NELFE: variants seen among roughly 807,000 people sequenced by gnomAD.
NELFE encodes the protein negative elongation factor E.
In NELFE, 26 loss-of-function variants were observed where a neutral mutation model predicts 55.5. The observed-to-expected ratio is 0.47, with a 90% CI of 0.34 to 0.65. The LOEUF (loss-of-function observed/expected upper bound fraction) is 0.65, where lower values mean the gene tolerates loss of function less well. Ranked by LOEUF, NELFE falls within the 30% of genes least tolerant of loss-of-function variation. The probability of loss-of-function intolerance (pLI) is 0.01; values close to 1 mark genes in which losing one functional copy is unlikely to be tolerated. For synonymous variants in NELFE, 162 were observed against 178.0 expected (o/e 0.91, Z 0.72); for missense variants, 403 against 506.9 (o/e 0.80, Z 1.97).
Position 31,952,249 on chromosome 6 carries a change from T to A in NELFE, c.*52A>T, listed in dbSNP as rs1771818883. 4.0e-6 allele frequency: 6 copies of A among 1,493,678 alleles called. No individual in the cohort carries two copies. Among genetic ancestry groups the A allele is most frequent in the Non-Finnish European group, 5.6e-6 (6 of 1,076,158 alleles). 92.5% of individuals were successfully genotyped at this position (1,493,678 alleles called of 1,614,324 possible). A position where few individuals can be genotyped will look rare whatever the true frequency, so the allele number is the denominator to read the frequency against. On this transcript the variant is annotated 3_prime_UTR_variant, in exon 11 of 11. Coordinates refer to ENST00000375429, the MANE Select transcript of NELFE (RefSeq NM_002904.6). ...TGTGTAAGCTTCCACCTCAGTGTTT[T>A]ACTGAGACCAGCATTGGGGCATATG...
intron 5 of NELFE, 47 bp downstream of exon 5, chr6:31,955,172 A>ATTC (rs1377284392): frequency 6.2e-7 from 1 of 1,611,998 alleles, no homozygotes; most frequent in Non-Finnish European, 8.5e-7. Flanking sequence ...TGTCTCTCAT[A>ATTC]TTCCTCCATC....
Position 31,954,413 on chromosome 6 carries a change from G to T in NELFE, c.772C>A (p.Pro258Thr). 1 of 1,608,044 alleles carries T rather than the reference G, an allele frequency of 6.2e-7. No individual in the cohort carries two copies. Among genetic ancestry groups the T allele is most frequent in the African/African-American group, 1.3e-5 (1 of 74,712 alleles). ...ACATAGAGAGTATTCCCTTTCCTAGGGGCTCGCCGTTCAGGGAATGAATCC... is the reference window on the plus strand; with the variant it reads ...ACATAGAGAGTATTCCCTTTCCTAGTGGCTCGCCGTTCAGGGAATGAATCC... ...RSDSFPERRA[P>T]RKGNTLYVYG... is the part of the protein sequence containing the mutation. The change falls in exon 8 of 11, where the codon CCT (proline) becomes ACT (threonine). Residue 258 changes from proline (P) to threonine (T), a missense_variant. By Grantham distance (38) the Pro-to-Thr change is conservative. Transcript: ENST00000375429. The surrounding 1 kb of genome is among the most constrained non-coding windows in gnomAD (Gnocchi z 5.5).
rs555434140 is a variant in NELFE, at chr6:31,954,578, C to A, written c.719G>T (p.Arg240Leu). Residue 240 changes from arginine to leucine, a missense_variant, in exon 7 of 11, where the codon CGA (arginine) becomes CTA (leucine). Physicochemically the swap from Arg to Leu is moderately radical, Grantham distance 102 (BLOSUM62 -2). Coordinates refer to ENST00000375429, the MANE Select transcript of NELFE (RefSeq NM_002904.6). The surrounding 1 kb of genome is among the most constrained non-coding windows in gnomAD (Gnocchi z 5.5). ...ACTGCGGAAAGGACCCTCTCGGTCT[C>A]GGTCTCGATCCCGCTCCCGATCCCT... ...RDRDRERDRD[R>L]DREGPFRRSD... The A allele has an allele frequency of 6.2e-7, 1 of 1,608,314 alleles. No individual in the cohort carries two copies.
In NELFE at chr6:31,954,622, A is replaced by G. The variant is rs536641651; in HGVS notation, c.675T>C (p.Asp225=). Residue 225 remains aspartate, a synonymous_variant, in exon 7 of 11, where the codon GAT becomes GAC. Transcript: ENST00000375429. The surrounding 1 kb of genome is among the most constrained non-coding windows in gnomAD (Gnocchi z 5.5). ...ERDRDRDRDR[D]RDRERDRDRE... ...GATCCCTGTCCCGTTCCCGGTCTCG[A>G]TCTCGATCCCGATCCCGATCCCTGT... The G allele has an allele frequency of 7.5e-6, 12 of 1,599,000 alleles. No individual in the cohort carries two copies. The highest frequency in any genetic ancestry group is 1.0e-5 in the Non-Finnish European group (12 of 1,173,656).
At position 31,954,284 on chromosome 6, in the gene NELFE, G is replaced by A. The variant is rs1444315314; in HGVS notation, c.887+14C>T. The A allele has an allele frequency of 6.2e-7, 1 of 1,608,992 alleles. No individual in the cohort carries two copies. Among genetic ancestry groups the A allele is most frequent in the African/African-American group, 1.3e-5 (1 of 74,690 alleles). ...CTCCCAGGACTTCTCATCATGCCCT[G>A]TTGTCATCCTTACTTTCTGGGTGGG... On this transcript the variant is annotated intron_variant, in intron 8 of 10. Transcript: ENST00000375429. The surrounding 1 kb of genome is among the most constrained non-coding windows in gnomAD (Gnocchi z 5.5).
In NELFE at chr6:31,952,370, G is replaced by A. The variant is rs770618951; in HGVS notation, c.1074C>T (p.His358=). 7 of 1,614,126 alleles carry A rather than the reference G, an allele frequency of 4.3e-6. No homozygotes were observed. Among genetic ancestry groups the A allele is most frequent in the Non-Finnish European group, 5.9e-6 (7 of 1,179,974 alleles). Residue 358 remains histidine (H), a synonymous_variant, in exon 11 of 11, where the codon CAC becomes CAT. Transcript: ENST00000375429. Reference sequence around the variant, plus strand: ...AGACAATCTGGGTCCTCTTGTCCCGGTGGCAACCCTTAGGGCTGTTCTGGA... The same window carrying A: ...AGACAATCTGGGTCCTCTTGTCCCGATGGCAACCCTTAGGGCTGTTCTGGA... ...LAVQNSPKGC[H]RDKRTQIVYS...
Position 31,958,917 on chromosome 6 carries a change from C to T in NELFE, c.-34G>A, listed in dbSNP as rs918934356. On this transcript the variant is annotated 5_prime_UTR_variant, in exon 1 of 11. Coordinates refer to ENST00000375429, the MANE Select transcript of NELFE (RefSeq NM_002904.6). ...CCGAGGGGGCGGCAACCGGGGGCCC[C>T]ACGGTCTCCGGCCGCGCCCGCGCTG... 3 of 594,872 alleles carry T rather than the reference C, an allele frequency of 5.0e-6. No homozygotes were observed. Among genetic ancestry groups the T allele is most frequent in the East Asian group, 5.6e-5 (2 of 35,552 alleles). 36.8% of individuals were successfully genotyped at this position (594,872 alleles called of 1,614,324 possible).
chr6:31,957,880 G>T (rs935229259), intron 2 of NELFE, among the ~76,000 whole-genome samples: 8 of 152,192 alleles, frequency 5.3e-5, no homozygotes, highest in Non-Finnish European at 8.8e-5. Flanking sequence ...ATAAAGCCCT[G>T]CTCGGGGGAA....
Position 31,952,360 on chromosome 6 carries a change from T to C in NELFE, c.1084A>G (p.Arg362Gly). 3 of 1,614,114 alleles carry C rather than the reference T, an allele frequency of 1.9e-6. No individual in the cohort carries two copies. The highest frequency in any genetic ancestry group is 2.5e-6 in the Non-Finnish European group (3 of 1,179,998). Residue 362 changes from arginine to glycine, a missense_variant, in exon 11 of 11, where the codon AGG (arginine) becomes GGG (glycine). Physicochemically the swap from Arg to Gly is moderately radical, Grantham distance 125. Coordinates refer to ENST00000375429, the MANE Select transcript of NELFE (RefSeq NM_002904.6). Reference protein sequence around the residue: ...NSPKGCHRDKRTQIVYSDDVY... With the variant: ...NSPKGCHRDKGTQIVYSDDVY... ...TCATCACTGTAGACAATCTGGGTCC[T>C]CTTGTCCCGGTGGCAACCCTTAGGG... is the stretch of plus-strand genomic sequence containing the variant.
rs1771827339 is a variant in NELFE, at chr6:31,952,374, C to T, written c.1070G>A (p.Cys357Tyr). 3.1e-6 allele frequency: 5 copies of T among 1,613,940 alleles called. No homozygotes were observed. The highest frequency in any genetic ancestry group is 4.2e-6 in the Non-Finnish European group (5 of 1,179,934). ...AATCTGGGTCCTCTTGTCCCGGTGG[C>T]AACCCTTAGGGCTGTTCTGGACAGC... is the stretch of plus-strand genomic sequence containing the variant. Reference protein sequence around the residue: ...SLAVQNSPKGCHRDKRTQIVY... With the variant: ...SLAVQNSPKGYHRDKRTQIVY... The change falls in exon 11 of 11, where the codon TGC (cysteine) becomes TAC (tyrosine). Residue 357 changes from cysteine to tyrosine, a missense_variant. Around this residue, in one of 3 missense-constraint regions of NELFE, gnomAD observed 77 missense variants for 123.3 expected, o/e 0.62. Transcript: ENST00000375429.
In NELFE at chr6:31,954,985, T is replaced by C; in HGVS notation, c.404+74A>G. On this transcript the variant is annotated intron_variant, in intron 6 of 10. Coordinates refer to ENST00000375429, the MANE Select transcript of NELFE (RefSeq NM_002904.6). This position sits in a 1 kb window ranked among gnomAD's most constrained non-coding sequence, Gnocchi z 5.5. ...AATATTCCCTCTATAGCCCAGCTCC[T>C]ACAGCCCAAACCTCCCAAGGACTCA... 1 of 1,613,450 alleles carries C rather than the reference T, an allele frequency of 6.2e-7. No individual in the cohort carries two copies. Among genetic ancestry groups the C allele is most frequent in the East Asian group, 2.2e-5 (1 of 44,884 alleles).
Position 31,958,435 on chromosome 6 carries a change from T to A in NELFE, c.12A>T (p.Ile4=). The change falls in exon 2 of 11, where the codon ATA becomes ATT. Residue 4 remains isoleucine (I), a synonymous_variant. Transcript: ENST00000375429. ...CCTCTTCCTCGCTCAGTCCGGGGGG[T>A]ATCACCAACATGGTGGCTCCTAGTT... MLV[I]PPGLSEEEEA... 1 of 1,612,932 alleles carries A rather than the reference T, an allele frequency of 6.2e-7. No homozygotes were observed. Among genetic ancestry groups the A allele is most frequent in the Non-Finnish European group, 8.5e-7 (1 of 1,179,986 alleles).
chr6:31,953,987 G>C, intron 9 of NELFE, 93 bp downstream of exon 9: 2 of 1,453,438 alleles, frequency 1.4e-6, no homozygotes, highest in Non-Finnish European at 1.9e-6. Flanking sequence ...TCTTTATCAA[G>C]AGGAACCAAC....
chr6:31,952,193 C>T lies in NELFE; in HGVS notation c.*108G>A. ...GTTTTTAAAGGTTTAACCCCAATCC[C>T]AAGTGCTGAAAAACCAGAGGCTGAG... is the stretch of plus-strand genomic sequence containing the variant. On this transcript the variant is annotated 3_prime_UTR_variant, in exon 11 of 11. Coordinates refer to ENST00000375429, the MANE Select transcript of NELFE (RefSeq NM_002904.6). The T allele has an allele frequency of 7.1e-7, 1 of 1,418,188 alleles. No individual in the cohort carries two copies. The allele number at this position is 1,418,188 out of a possible 1,614,324, so 87.9% of individuals were successfully genotyped here.
At chr6:31,957,474 A>T (rs570440376) in intron 2 of NELFE, 1 of 459,222 alleles carries the variant, frequency 2.2e-6, no homozygotes, top group Non-Finnish European at 4.4e-6. Context: ...ATACAATTAT[A>T]AGAGGTGCAG....
At position 31,954,123 on chromosome 6, in the gene NELFE, A is replaced by T; in HGVS notation, c.899T>A (p.Val300Asp). 6.2e-7 allele frequency: 1 copy of T among 1,614,026 alleles called. No individual in the cohort carries two copies. The highest frequency in any genetic ancestry group is 2.2e-5 in the East Asian group (1 of 44,884). ...SMDPPRNCAFVTYEKMESADQ... is the reference protein window; with the variant it reads ...SMDPPRNCAFDTYEKMESADQ... ...TGCTGACTCCATCTTTTCATAGGTG[A>T]CGAAGGCACAGCTGGGATAAGAGAA... is the stretch of plus-strand genomic sequence containing the variant. The change falls in exon 9 of 11, where the codon GTC becomes GAC. Residue 300 changes from valine (V) to aspartate (D), a missense_variant. This residue lies in a region of NELFE where 77 missense variants were observed against 123.3 expected (regional missense o/e 0.62). Coordinates refer to ENST00000375429, the MANE Select transcript of NELFE (RefSeq NM_002904.6). This position sits in a 1 kb window ranked among gnomAD's most constrained non-coding sequence, Gnocchi z 5.5.
chr6:31,956,557 C>G, intron 4 of NELFE, 136 bp downstream of exon 4: 9 of 928,636 alleles, frequency 9.7e-6, no homozygotes, highest in Non-Finnish European at 1.6e-6. Context: ...CTAGTTTTTT[C>G]ATTTTATACA....
chr6:31,958,713 C>G, intron 1 of NELFE, 179 bp downstream of exon 1: 1 of 702,954 alleles, frequency 1.4e-6, no homozygotes, highest in South Asian at 1.5e-5. Context: ...ATATCCACTC[C>G]GTCGGAAAGA....
At chr6:31,953,976 T>G in intron 9 of NELFE, 104 bp downstream of exon 9, 1 of 1,409,770 alleles carries the variant, frequency 7.1e-7, no homozygotes, top group Admixed American at 1.8e-5. Context: ...GGGAGAGGCT[T>G]TCTTTATCAA....
Sources: gnomAD v4.1 joint callset for allele counts (sites outside exome capture counted in the v4.1 genomes callset) on GRCh38, gnomAD v4.1.1 for gene constraint, gnomAD v4.1.1 regional missense constraint, Gnocchi (gnomAD v3.1) non-coding constraint, MANE v1.5 for transcripts, NCBI Gene and HGNC (gene_info 2026-07-23, HGNC 2026-07-21) for gene names.